The following CELF2 variants were observed in gnomAD, a reference collection of about 807,000 sequenced individuals.
CELF2 encodes the protein CUGBP Elav-like family member 2.
CELF2 carries 8 observed loss-of-function variants against 62.6 expected under a neutral mutation model. That is an observed-to-expected ratio of 0.13 (90% CI 0.07 to 0.23). The LOEUF is 0.23. CELF2 is among the 10% of genes least tolerant of loss of function. The probability of loss-of-function intolerance (pLI) is 1.00; values close to 1 mark genes in which losing one functional copy is unlikely to be tolerated. For synonymous variants in CELF2, 258 were observed against 250.0 expected (o/e 1.03, Z -0.30); for missense variants, 333 against 671.0 (o/e 0.50, Z 5.56).
intron 2 of CELF2, among the ~76,000 whole-genome samples, chr10:10,933,913 A>G (rs1160110562): frequency 6.6e-6 from 1 of 152,182 alleles, no homozygotes; most frequent in East Asian, 1.9e-4. Flanking sequence ...ACGGGAGTGC[A>G]GATATGTCCT....
intron 1 of CELF2, among the ~76,000 whole-genome samples, chr10:11,103,487 A>ATTTTTTTTTTTTTTTTTTTTTTTTTTT (rs3054364): frequency 5.0e-5 from 6 of 119,736 alleles, no homozygotes; most frequent in African/African-American, 1.4e-4. Context: ...TTGTAGCCTG[A>ATTTTTTTTTTTTTTTTTTTTTTTTTTT]TTTTTTTTTT....
chr10:10,837,760 T>G (rs2058399991), intron 1 of CELF2, among the ~76,000 whole-genome samples: 1 of 152,094 alleles, frequency 6.6e-6, no homozygotes, highest in South Asian at 2.1e-4. Context: ...CCAGGAAAAG[T>G]GCTGGCAAAG....
chr10:10,581,522 A>G, the CELF2 span, among the ~76,000 whole-genome samples: 2 of 152,168 alleles, frequency 1.3e-5, no homozygotes, highest in African/African-American at 4.8e-5. Context: ...ACACCAACAC[A>G]AGTAACAGAA....
intron 1 of CELF2, among the ~76,000 whole-genome samples, chr10:11,059,540 G>A (rs2066201008): frequency 6.6e-6 from 1 of 152,202 alleles, no homozygotes; most frequent in Non-Finnish European, 1.5e-5. Context: ...GTGAGATGGT[G>A]AAAACATATC....
In CELF2 at chr10:10,910,505, GC is replaced by G. The variant is rs1167677744; in HGVS notation, c.54-9457del. 2.0e-5 allele frequency among the ~76,000 whole-genome samples: 3 copies of G among 151,872 alleles called. No individual in the cohort carries two copies. The East Asian group carries it at 5.8e-4, about 29-fold the overall frequency. On this transcript the variant is annotated intron_variant, in intron 1 of 13. Transcript: ENST00000636488. ...AGTTCATGAGTTTGAGACCAGCCTG[GC>G]CAACATGGTGAAACCCTGTCTATAC...
the CELF2 span, among the ~76,000 whole-genome samples, chr10:10,723,977 G>A: frequency 3.9e-5 from 6 of 151,996 alleles, no homozygotes; most frequent in East Asian, 1.9e-4. Context: ...ATATCAATAC[G>A]TTAAAGCACT....
intron 1 of CELF2, among the ~76,000 whole-genome samples, chr10:11,062,126 T>C (rs1291841): frequency 0.076 from 11,523 of 152,214 alleles, 847 homozygotes; most frequent in African/African-American, 0.19. Context: ...TTTTTATGCC[T>C]ACGGTTGAGA....
chr10:11,006,396 G>T (rs569615810), intron 1 of CELF2, among the ~76,000 whole-genome samples: 1 of 152,202 alleles, frequency 6.6e-6, no homozygotes, highest in South Asian at 2.1e-4. Context: ...GCATTCTGCC[G>T]CTATGTTGGT....
chr10:10,964,803 G>GC (rs34196898), intron 2 of CELF2, among the ~76,000 whole-genome samples: 51,700 of 151,996 alleles, frequency 0.34, 13,721 homozygotes, highest in African/African-American at 0.74. Context: ...AATAATAATA[G>GC]AAACATCTAA....
intron 1 of CELF2, among the ~76,000 whole-genome samples, chr10:11,085,035 A>G (rs2046337912): frequency 6.6e-6 from 1 of 152,222 alleles, no homozygotes; most frequent in African/African-American, 2.4e-5. Context: ...TTATTAGTTG[A>G]TAATACAATG....
the CELF2 span, among the ~76,000 whole-genome samples, chr10:10,741,353 A>T: frequency 6.6e-6 from 1 of 152,072 alleles, no homozygotes; most frequent in Non-Finnish European, 1.5e-5. Context: ...TCTTCTAAAA[A>T]TACAAAAATT....
the CELF2 span, among the ~76,000 whole-genome samples, chr10:10,626,546 G>C: frequency 2.0e-5 from 3 of 152,048 alleles, no homozygotes; most frequent in African/African-American, 7.2e-5. Context: ...AAGCAGGCTT[G>C]AATTCTCCCT....
At chr10:10,648,077 T>A in the CELF2 span, among the ~76,000 whole-genome samples, 3 of 152,216 alleles carry the variant, frequency 2.0e-5, no homozygotes, top group African/African-American at 7.2e-5. Context: ...AGTTGTGCTA[T>A]CCTCAGGATA....
At chr10:10,875,482 A>C (rs757247372) in intron 1 of CELF2, among the ~76,000 whole-genome samples, 1 of 152,178 alleles carries the variant, frequency 6.6e-6, no homozygotes, top group Non-Finnish European at 1.5e-5. Flanking sequence ...ATTGATACAC[A>C]ATCTTTGGTT....
At chr10:11,007,449 T>C (rs1237278588) in intron 1 of CELF2, among the ~76,000 whole-genome samples, 1 of 152,226 alleles carries the variant, frequency 6.6e-6, no homozygotes, top group African/African-American at 2.4e-5. Flanking sequence ...AATTGCCTTC[T>C]AAAGTAGAGA....
At chr10:11,198,253 T>C (rs2058442545) in intron 2 of CELF2, among the ~76,000 whole-genome samples, 1 of 152,258 alleles carries the variant, frequency 6.6e-6, no homozygotes, top group South Asian at 2.1e-4. Context: ...CAAAAATAAT[T>C]ATTCTGCTGT....
chr10:10,500,650 G>A, the CELF2 span, among the ~76,000 whole-genome samples: 3 of 152,108 alleles, frequency 2.0e-5, no homozygotes, highest in East Asian at 1.9e-4. Flanking sequence ...AGTCAGGTAT[G>A]TCTTTCTCAG....
At chr10:10,927,453 G>C (rs139211889) in intron 2 of CELF2, among the ~76,000 whole-genome samples, 1 of 150,848 alleles carries the variant, frequency 6.6e-6, no homozygotes, top group Non-Finnish European at 1.5e-5. Context: ...TTTTGAAATG[G>C]GTCTCACTCT....
intron 6 of CELF2, 140 bp downstream of exon 6, chr10:11,266,817 C>T: frequency 1.7e-6 from 1 of 586,082 alleles, no homozygotes; most frequent in Non-Finnish European, 2.9e-6. Flanking sequence ...CATTCATTCT[C>T]ATTCTCTCCT....
Sources: gnomAD v4.1 joint callset for allele counts (sites outside exome capture counted in the v4.1 genomes callset) on GRCh38, gnomAD v4.1.1 for gene constraint, MANE v1.5 for transcripts, NCBI Gene and HGNC (gene_info 2026-07-23, HGNC 2026-07-21) for gene names.